The following KATNAL1 variants were observed in gnomAD, a reference collection of about 807,000 sequenced individuals.
The protein encoded by KATNAL1 is katanin p60 ATPase-containing subunit A-like 1.
In KATNAL1, 32 loss-of-function variants were observed where a neutral mutation model predicts 55.2. The observed-to-expected ratio is 0.58, with a 90% CI of 0.44 to 0.78. KATNAL1 has a LOEUF of 0.78. Among genes scored for constraint, KATNAL1 ranks in the 30% least tolerant of loss-of-function variants. The pLI, the probability that KATNAL1 is intolerant of heterozygous loss-of-function variation, is 0.00. For missense variants in KATNAL1, 466 were observed against 600.9 expected, an observed-to-expected ratio of 0.78 and a Z score of 2.35; for synonymous variants, 193 against 193.6, an observed-to-expected ratio of 1.00 and a Z score of 0.02.
In KATNAL1 at chr13:30,240,471, T is replaced by TTC; in HGVS notation, c.713_714dup (p.Arg239GlufsTer8). On this transcript the variant is annotated frameshift_variant, in exon 6 of 11. Coordinates refer to ENST00000380615, the MANE Select transcript of KATNAL1 (RefSeq NM_032116.5). LOFTEE classifies it high-confidence loss of function. ...TAATAAATTCTCACCTTCCATGGCC[T>TTC]TCTAATCCCTTTGAAAAAGTCAGGC... 6.2e-7 allele frequency: 1 copy of TTC among 1,610,844 alleles called. No homozygotes were observed. The highest frequency in any genetic ancestry group is 8.5e-7 in the Non-Finnish European group (1 of 1,177,118).
At chr13:30,224,772 T>C (rs1241687079) in intron 9 of KATNAL1, among the ~76,000 whole-genome samples, 1 of 152,172 alleles carries the variant, frequency 6.6e-6, no homozygotes, top group East Asian at 1.9e-4. Context: ...AAATTACTAA[T>C]ATTAGGAATG....
intron 3 of KATNAL1, among the ~76,000 whole-genome samples, chr13:30,263,228 TAAG>T (rs890071209): frequency 6.6e-5 from 10 of 152,170 alleles, no homozygotes; most frequent in African/African-American, 2.4e-4. Flanking sequence ...CTCAAAATAA[TAAG>T]AGCTATTCAT....
intron 9 of KATNAL1, among the ~76,000 whole-genome samples, chr13:30,224,744 A>G (rs1050023352): frequency 1.3e-5 from 2 of 152,240 alleles, no homozygotes; most frequent in African/African-American, 4.8e-5. Context: ...TCAACCAAAA[A>G]TGATGAAGAA....
intron 9 of KATNAL1, among the ~76,000 whole-genome samples, chr13:30,220,530 A>C (rs762057903): frequency 3.3e-5 from 5 of 152,114 alleles, no homozygotes; most frequent in Non-Finnish European, 7.4e-5. Context: ...AATCACAAAT[A>C]AGGAAAAAAA....
At chr13:30,213,822 G>A (rs1275397313) in intron 9 of KATNAL1, among the ~76,000 whole-genome samples, 1 of 152,178 alleles carries the variant, frequency 6.6e-6, no homozygotes, top group East Asian at 1.9e-4. Context: ...ATATCATATT[G>A]AATGGGCAAA....
At chr13:30,252,687 T>C (rs549486393) in intron 4 of KATNAL1, among the ~76,000 whole-genome samples, 1 of 152,060 alleles carries the variant, frequency 6.6e-6, no homozygotes, top group East Asian at 1.9e-4. Flanking sequence ...ACAAATACAA[T>C]AAACACTGGG....
chr13:30,279,130 A>G (rs1187723727), intron 3 of KATNAL1, among the ~76,000 whole-genome samples: 1 of 152,212 alleles, frequency 6.6e-6, no homozygotes, highest in East Asian at 1.9e-4. Context: ...AGCAGACAGA[A>G]AGCCAGAAAG....
intron 8 of KATNAL1, among the ~76,000 whole-genome samples, chr13:30,229,939 GAA>G (rs902701098): frequency 8.3e-6 from 1 of 120,640 alleles, no homozygotes; most frequent in African/African-American, 2.9e-5. Flanking sequence ...TTAAAAAAAA[GAA>G]GAGGGGCTTT....
chr13:30,259,433 G>A (rs1302342842), intron 3 of KATNAL1, among the ~76,000 whole-genome samples: 1 of 152,186 alleles, frequency 6.6e-6, no homozygotes, highest in African/African-American at 2.4e-5. Flanking sequence ...CAAAAGACCA[G>A]TGATTTCTGC....
chr13:30,276,463 G>A (rs1880847883), intron 3 of KATNAL1, among the ~76,000 whole-genome samples: 1 of 149,582 alleles, frequency 6.7e-6, no homozygotes, highest in African/African-American at 2.5e-5. Flanking sequence ...CACATCAGAA[G>A]CATCTCTGAA....
intron 1 of KATNAL1, among the ~76,000 whole-genome samples, chr13:30,291,321 T>G (rs912753890): frequency 6.6e-6 from 1 of 152,126 alleles, no homozygotes; most frequent in Non-Finnish European, 1.5e-5. Flanking sequence ...AAGAGTAAAA[T>G]CATCCAAAAA....
At chr13:30,304,159 T>A (rs1022130668) in intron 1 of KATNAL1, among the ~76,000 whole-genome samples, 1 of 152,190 alleles carries the variant, frequency 6.6e-6, no homozygotes, top group Non-Finnish European at 1.5e-5. Flanking sequence ...CTTACTTTCT[T>A]TCCTTATTTT....
intron 4 of KATNAL1, among the ~76,000 whole-genome samples, chr13:30,241,867 C>T (rs1190416960): frequency 6.6e-6 from 1 of 152,152 alleles, no homozygotes; most frequent in African/African-American, 2.4e-5. Context: ...TCCTTCAAGC[C>T]ACTAGGTAAG....
At chr13:30,301,954 C>T (rs1326262855) in intron 1 of KATNAL1, among the ~76,000 whole-genome samples, 4 of 152,210 alleles carry the variant, frequency 2.6e-5, no homozygotes, top group Admixed American at 6.5e-5. Context: ...TCACTGCAAC[C>T]TGGACCTCCC....
rs1220615032 is a variant in KATNAL1 at position 30,218,213 on chromosome 13, T to TAC, written c.1148-7772_1148-7771insGT. ...GAACTTGCAGTAAAAGGAATATATA[T>TAC]ATATATATATATATAAAGGACCTGA... On this transcript the variant is annotated intron_variant, in intron 9 of 10. Transcript: ENST00000380615. 5.1e-5 allele frequency among the ~76,000 whole-genome samples: 7 copies of TAC among 137,016 alleles called. No individual in the cohort carries two copies. The East Asian group carries it at 1.4e-3, about 27-fold the overall frequency. 89.9% of individuals were successfully genotyped at this position (137,016 alleles called of 152,430 possible). A position where few individuals can be genotyped will look rare whatever the true frequency, so the allele number is the denominator to read the frequency against.
At chr13:30,296,634 G>A in intron 1 of KATNAL1, 1 of 695,388 alleles carries the variant, frequency 1.4e-6, no homozygotes. Context: ...CCAGTACACG[G>A]ACGAGCACAG....
chr13:30,278,186 T>C (rs1881007653), intron 3 of KATNAL1, among the ~76,000 whole-genome samples: 1 of 152,018 alleles, frequency 6.6e-6, no homozygotes, highest in African/African-American at 2.4e-5. Flanking sequence ...CTTATTGTTG[T>C]TGATGGTATA....
rs1873196573 is a variant in KATNAL1 at position 30,206,804 on chromosome 13, A to T, written c.*1736T>A. On this transcript the variant is annotated 3_prime_UTR_variant, in exon 11 of 11. Coordinates refer to ENST00000380615, the MANE Select transcript of KATNAL1 (RefSeq NM_032116.5). ...TGGCAATAGTTTGCAAAATAATCGT[A>T]ATGAAACTACTTATTTCTTTATTTT... The T allele has an allele frequency of 6.6e-6, 1 of 152,180 alleles. No individual in the cohort carries two copies. The highest frequency in any genetic ancestry group is 2.4e-5 in the African/African-American group (1 of 41,462). 9.4% of individuals were successfully genotyped at this position (152,180 alleles called of 1,614,324 possible).
intron 9 of KATNAL1, among the ~76,000 whole-genome samples, chr13:30,220,739 C>T (rs1874769254): frequency 6.6e-6 from 1 of 151,940 alleles, no homozygotes; most frequent in Non-Finnish European, 1.5e-5. Flanking sequence ...CACTCTGTCA[C>T]CCAGGCTGGA....
Sources: allele counts gnomAD v4.1 joint callset (sites outside exome capture counted in the v4.1 genomes callset), GRCh38; gene constraint gnomAD v4.1.1; transcripts MANE v1.5; gene names NCBI Gene and HGNC (gene_info 2026-07-23, HGNC 2026-07-21).